The following CNTNAP2 variants were observed in gnomAD, a reference collection of about 807,000 sequenced individuals.
CNTNAP2 encodes contactin associated protein 2.
CNTNAP2 carries 98 observed loss-of-function variants against 155.2 expected under a neutral mutation model. The ratio of observed to expected loss-of-function variants is 0.63; its 90% confidence interval spans 0.54 to 0.75. The LOEUF is 0.75. Ranked by LOEUF, CNTNAP2 falls within the 30% of genes least tolerant of loss-of-function variation. The probability of loss-of-function intolerance (pLI) is 0.00; values close to 1 mark genes in which losing one functional copy is unlikely to be tolerated. For synonymous variants in CNTNAP2, 651 were observed against 631.2 expected (o/e 1.03, Z -0.47); for missense variants, 1,727 against 1,688.1 (o/e 1.02, Z -0.40).
chr7:147,842,323 A>G (rs1451497895), intron 13 of CNTNAP2, among the ~76,000 whole-genome samples: 2 of 152,360 alleles, frequency 1.3e-5, no homozygotes, highest in Admixed American at 6.5e-5. Flanking sequence ...AAATTTTGAT[A>G]CAGACAATTT....
At chr7:146,263,845 C>T (rs1799956210) in intron 1 of CNTNAP2, among the ~76,000 whole-genome samples, 2 of 152,134 alleles carry the variant, frequency 1.3e-5, no homozygotes, top group Admixed American at 1.3e-4. Context: ...CAGGGAAATA[C>T]ATTAAATCCA....
intron 13 of CNTNAP2, among the ~76,000 whole-genome samples, chr7:147,697,538 T>G (rs949462164): frequency 2.6e-5 from 4 of 152,038 alleles, no homozygotes; most frequent in East Asian, 1.9e-4. Context: ...ATGGTTTTTG[T>G]TTTTTTGCCT....
intron 13 of CNTNAP2, among the ~76,000 whole-genome samples, chr7:147,877,178 T>G (rs537977606): frequency 1.6e-4 from 25 of 152,336 alleles, no homozygotes; most frequent in South Asian, 1.2e-3. Context: ...GTGAACCTGT[T>G]TGATTATTGC....
intron 21 of CNTNAP2, among the ~76,000 whole-genome samples, chr7:148,300,519 A>G (rs1797364660): frequency 6.6e-6 from 1 of 150,470 alleles, no homozygotes. Flanking sequence ...TTATAATCAT[A>G]ACAATTTTTT....
intron 3 of CNTNAP2, among the ~76,000 whole-genome samples, chr7:147,032,766 G>A (rs1420071685): frequency 1.3e-5 from 2 of 151,888 alleles, no homozygotes; most frequent in East Asian, 3.9e-4. Context: ...AGAAGAGGGA[G>A]TCAGAGAGTA....
intron 21 of CNTNAP2, among the ~76,000 whole-genome samples, chr7:148,283,110 G>A (rs978606395): frequency 6.6e-6 from 1 of 150,428 alleles, no homozygotes; most frequent in African/African-American, 2.4e-5. Context: ...ATGGTGGCAG[G>A]CACCTGTAAG....
intron 1 of CNTNAP2, among the ~76,000 whole-genome samples, chr7:146,644,869 C>T (rs57716529): frequency 0.046 from 6,958 of 152,028 alleles, 535 homozygotes; most frequent in African/African-American, 0.16. Context: ...AGTCCAGGAC[C>T]AGATGGATTC....
At position 146,586,386 on chromosome 7, in the gene CNTNAP2, C is replaced by A. The variant is rs529646080; in HGVS notation, c.98-187885C>A. Among the ~76,000 whole-genome samples the A allele has an allele frequency of 7.9e-5, 12 of 152,132 alleles. No individual in the cohort carries two copies. In the East Asian group the frequency reaches 1.2e-3, roughly 15 times the overall value. On this transcript the variant is annotated intron_variant, in intron 1 of 23. Coordinates refer to ENST00000361727, the MANE Select transcript of CNTNAP2 (RefSeq NM_014141.6). ...ATCAAAGTGTAATAAATTACAAACCCCACCAAAATCTCTACCTACTGAAAA... is the reference window on the plus strand; with the variant it reads ...ATCAAAGTGTAATAAATTACAAACCACACCAAAATCTCTACCTACTGAAAA...
chr7:146,813,510 T>A (rs1803107779), intron 2 of CNTNAP2, among the ~76,000 whole-genome samples: 1 of 152,152 alleles, frequency 6.6e-6, no homozygotes, highest in Non-Finnish European at 1.5e-5. Context: ...TTGGAATGGG[T>A]GTATTTACCC....
chr7:146,888,036 A>G (rs1795702626), intron 3 of CNTNAP2, among the ~76,000 whole-genome samples: 1 of 152,122 alleles, frequency 6.6e-6, no homozygotes, highest in African/African-American at 2.4e-5. Context: ...ATTTACTTAG[A>G]AAATCTAGCC....
intron 13 of CNTNAP2, among the ~76,000 whole-genome samples, chr7:147,810,751 T>C (rs1431128643): frequency 6.6e-6 from 1 of 152,242 alleles, no homozygotes; most frequent in Non-Finnish European, 1.5e-5. Flanking sequence ...TATCTTCTTA[T>C]AAAGTTAAAA....
intron 9 of CNTNAP2, among the ~76,000 whole-genome samples, chr7:147,337,969 C>T (rs1795693016): frequency 6.6e-6 from 1 of 152,104 alleles, no homozygotes; most frequent in South Asian, 2.1e-4. Flanking sequence ...GGCACTGCAT[C>T]TGAGTGGTTA....
At chr7:147,374,275 A>G (rs903653609) in intron 9 of CNTNAP2, among the ~76,000 whole-genome samples, 1 of 152,094 alleles carries the variant, frequency 6.6e-6, no homozygotes, top group Non-Finnish European at 1.5e-5. Context: ...TTGGCCCTTT[A>G]TGAGTTCAAC....
intron 1 of CNTNAP2, among the ~76,000 whole-genome samples, chr7:146,634,867 G>A (rs1799572136): frequency 6.6e-6 from 1 of 152,062 alleles, no homozygotes; most frequent in Non-Finnish European, 1.5e-5. Flanking sequence ...TAAACCAATG[G>A]CACTTAAATT....
chr7:147,599,397 C>T (rs1800897792), intron 12 of CNTNAP2, among the ~76,000 whole-genome samples: 1 of 148,974 alleles, frequency 6.7e-6, no homozygotes, highest in African/African-American at 2.5e-5. Flanking sequence ...GCAGGAGAAT[C>T]ACTTTAACCC....
chr7:148,301,084 A>C (rs925554334), intron 21 of CNTNAP2, among the ~76,000 whole-genome samples: 1 of 152,002 alleles, frequency 6.6e-6, no homozygotes, highest in East Asian at 1.9e-4. Flanking sequence ...TCACGAGGTC[A>C]GGAGTTTGAG....
chr7:146,784,563 T>G, intron 2 of CNTNAP2, among the ~76,000 whole-genome samples: 1 of 152,206 alleles, frequency 6.6e-6, no homozygotes, highest in South Asian at 2.1e-4. Flanking sequence ...CATATACCTT[T>G]GTAAGATTGT....
rs1002192511 is a variant in CNTNAP2 at position 147,544,904 on chromosome 7, T to C, written c.1778-17234T>C. ...GCTCTTCCTTTATCTTTCCCCATGA[T>C]TGTGAGCCTCCCTAGCCATGTGGAA... On this transcript the variant is annotated intron_variant, in intron 11 of 23. Coordinates refer to ENST00000361727, the MANE Select transcript of CNTNAP2 (RefSeq NM_014141.6). Among the ~76,000 whole-genome samples, 4 of 152,114 alleles carry C rather than the reference T, an allele frequency of 2.6e-5. No individual in the cohort carries two copies. In the East Asian group the frequency reaches 7.7e-4, roughly 29 times the overall value.
chr7:147,225,393 A>G (rs906274417), intron 8 of CNTNAP2, among the ~76,000 whole-genome samples: 1 of 152,168 alleles, frequency 6.6e-6, no homozygotes, highest in Non-Finnish European at 1.5e-5. Flanking sequence ...ATGTGCTAGG[A>G]ACAAACACAA....
Sources: allele counts gnomAD v4.1 joint callset (sites outside exome capture counted in the v4.1 genomes callset), GRCh38; gene constraint gnomAD v4.1.1; transcripts MANE v1.5; gene names NCBI Gene and HGNC (gene_info 2026-07-23, HGNC 2026-07-21).